LRP1B: variants seen among roughly 807,000 people sequenced by gnomAD.
The protein encoded by LRP1B is low-density lipoprotein receptor-related protein 1B.
A neutral mutation model predicts 556.6 loss-of-function variants in LRP1B; 217 were observed. The ratio of observed to expected loss-of-function variants is 0.39; its 90% CI spans 0.35 to 0.44. LRP1B has a LOEUF of 0.44. LRP1B is among the 20% of genes least tolerant of loss of function. The pLI, the probability that LRP1B is intolerant of heterozygous loss-of-function variation, is 1.00. For missense variants in LRP1B, 5,053 were observed against 5,620.8 expected, an observed-to-expected ratio of 0.90 and a Z score of 3.23; for synonymous variants, 2,047 against 1,865.8, an observed-to-expected ratio of 1.10 and a Z score of -2.50.
rs549157483 is a variant in LRP1B at position 140,862,480 on chromosome 2, T to C, written c.4579+5110A>G. ...ATATTCATTATTATTATTTGGCCTT[T>C]CACAGAATACATTTGCTGACCCTCT... is the stretch of plus-strand genomic sequence containing the variant. On this transcript the variant is annotated intron_variant, in intron 27 of 90. Coordinates refer to ENST00000389484, the MANE Select transcript of LRP1B (RefSeq NM_018557.3). 5.9e-5 allele frequency among the ~76,000 whole-genome samples: 9 copies of C among 152,314 alleles called. No homozygotes were observed. The East Asian group carries it at 1.7e-3, about 29-fold the overall frequency.
chr2:141,749,357 A>G (rs985584050), intron 2 of LRP1B, among the ~76,000 whole-genome samples: 1 of 152,178 alleles, frequency 6.6e-6, no homozygotes, highest in African/African-American at 2.4e-5. Flanking sequence ...TAATTTAAGA[A>G]TGAAAATTAA....
chr2:142,000,765 A>T (rs974160291), intron 1 of LRP1B, among the ~76,000 whole-genome samples: 10 of 152,206 alleles, frequency 6.6e-5, no homozygotes, highest in African/African-American at 2.2e-4. Flanking sequence ...TTCTACTATT[A>T]TGCCTGTTCT....
At chr2:140,303,012 C>CATATATATATATAT (rs59878403) in intron 83 of LRP1B, among the ~76,000 whole-genome samples, 1 of 82,836 alleles carries the variant, frequency 1.2e-5, no homozygotes, top group Non-Finnish European at 2.4e-5. Context: ...AAATCTCCTT[C>CATATATATATATAT]ATATATATAT....
chr2:141,628,889 A>G (rs888679090), intron 2 of LRP1B, among the ~76,000 whole-genome samples: 2 of 151,908 alleles, frequency 1.3e-5, no homozygotes, highest in African/African-American at 4.8e-5. Flanking sequence ...AGCTCAAGTG[A>G]TCCTCCTGCC....
chr2:141,500,062 T>C (rs752333038), intron 2 of LRP1B, among the ~76,000 whole-genome samples: 4 of 152,120 alleles, frequency 2.6e-5, no homozygotes, highest in Non-Finnish European at 5.9e-5. Context: ...ACATTTTTCT[T>C]TGTGAAGGTG....
intron 31 of LRP1B, among the ~76,000 whole-genome samples, chr2:140,815,792 C>G (rs1573755920): frequency 6.6e-6 from 1 of 151,780 alleles, no homozygotes; most frequent in Admixed American, 6.6e-5. Context: ...AACAAAACCT[C>G]CTAAATCAAT....
intron 43 of LRP1B, among the ~76,000 whole-genome samples, chr2:140,581,372 C>G (rs955345793): frequency 1.1e-4 from 17 of 152,186 alleles, no homozygotes; most frequent in Non-Finnish European, 2.2e-4. Context: ...TAGCACACCT[C>G]TTCAGATACG....
At chr2:141,081,682 C>A (rs776191685) in intron 7 of LRP1B, among the ~76,000 whole-genome samples, 47 of 124,686 alleles carry the variant, frequency 3.8e-4, no homozygotes, top group Non-Finnish European at 6.5e-4. Flanking sequence ...ATTAAATTAG[C>A]CAATAAACTC....
chr2:140,606,905 T>G (rs1682887941), intron 41 of LRP1B, among the ~76,000 whole-genome samples: 1 of 151,948 alleles, frequency 6.6e-6, no homozygotes, highest in Admixed American at 6.6e-5. Context: ...CAAAGCCTTC[T>G]TAAACATGAC....
chr2:141,464,606 A>ATATATATTTTTTTTTTT, intron 3 of LRP1B, among the ~76,000 whole-genome samples: 2 of 90,542 alleles, frequency 2.2e-5, no homozygotes, highest in East Asian at 2.8e-4. Context: ...ATATATATAT[A>ATATATATTTTTTTTTTT]TTTTTTTAGT....
intron 2 of LRP1B, among the ~76,000 whole-genome samples, chr2:141,610,764 G>T (rs1248375638): frequency 6.6e-6 from 1 of 152,158 alleles, no homozygotes; most frequent in African/African-American, 2.4e-5. Flanking sequence ...GTTGGCATTT[G>T]GCAAATGCTG....
At chr2:141,450,321 G>A (rs910303078) in intron 3 of LRP1B, among the ~76,000 whole-genome samples, 2 of 152,102 alleles carry the variant, frequency 1.3e-5, no homozygotes, top group Admixed American at 6.6e-5. Flanking sequence ...TCCAGTTCCA[G>A]CATATGCCAG....
At chr2:140,490,930 T>G (rs943787528) in intron 57 of LRP1B, among the ~76,000 whole-genome samples, 1 of 152,110 alleles carries the variant, frequency 6.6e-6, no homozygotes, top group African/African-American at 2.4e-5. Flanking sequence ...TATCCGAAAC[T>G]CATCCCCACT....
intron 1 of LRP1B, among the ~76,000 whole-genome samples, chr2:142,041,834 A>C (rs1202932915): frequency 6.6e-6 from 1 of 151,520 alleles, no homozygotes; most frequent in African/African-American, 2.4e-5. Context: ...ATTTCATATT[A>C]TGTATTTCTC....
At chr2:141,395,608 C>T (rs777890322) in intron 3 of LRP1B, among the ~76,000 whole-genome samples, 6 of 151,882 alleles carry the variant, frequency 4.0e-5, no homozygotes, top group Non-Finnish European at 8.8e-5. Context: ...GATGAGGATC[C>T]CAACAGAATG....
chr2:141,015,445 C>G (rs1423733563), intron 13 of LRP1B, among the ~76,000 whole-genome samples: 1 of 151,960 alleles, frequency 6.6e-6, no homozygotes, highest in Non-Finnish European at 1.5e-5. Context: ...TAAAACAGCT[C>G]TGATATCCTG....
intron 86 of LRP1B, 79 bp from the exon 87 acceptor site, chr2:140,247,241 C>T: frequency 2.1e-6 from 2 of 939,976 alleles, no homozygotes; most frequent in Non-Finnish European, 3.5e-6. Flanking sequence ...TAACTTTAAC[C>T]AAATGAAAGG....
chr2:141,601,220 A>G (rs1484862106), intron 2 of LRP1B, among the ~76,000 whole-genome samples: 1 of 151,806 alleles, frequency 6.6e-6, no homozygotes, highest in African/African-American at 2.4e-5. Context: ...CTATCTATCT[A>G]TCTATCTATC....
chr2:140,296,514 A>T (rs1250132843), intron 84 of LRP1B, among the ~76,000 whole-genome samples: 1 of 152,174 alleles, frequency 6.6e-6, no homozygotes, highest in East Asian at 1.9e-4. Context: ...GTTAAGCAGG[A>T]TATGTAAATT....
Sources: allele counts gnomAD v4.1 joint callset (sites outside exome capture counted in the v4.1 genomes callset), GRCh38; gene constraint gnomAD v4.1.1; transcripts MANE v1.5; gene names NCBI Gene and HGNC (gene_info 2026-07-23, HGNC 2026-07-21).